STXBP5: variants seen among roughly 807,000 people sequenced by gnomAD.
STXBP5 encodes the protein syntaxin binding protein 5.
In STXBP5, 50 loss-of-function variants were observed where a neutral mutation model predicts 152.4. The ratio of observed to expected loss-of-function variants is 0.33; its 90% CI spans 0.26 to 0.42. The LOEUF is 0.42. STXBP5 is among the 10% of genes least tolerant of loss of function. The probability of loss-of-function intolerance (pLI) is 1.00; values close to 1 mark genes in which losing one functional copy is unlikely to be tolerated. For synonymous variants in STXBP5, 492 were observed against 494.7 expected (o/e 0.99, Z 0.07); for missense variants, 1,167 against 1,388.6 (o/e 0.84, Z 2.54).
rs772950055 is a variant in STXBP5, at chr6:147,334,233, T to G, written c.2146+11T>G. On this transcript the variant is annotated intron_variant, in intron 19 of 27. Transcript: ENST00000321680. The stretch of plus-strand genomic sequence containing the variant: ...AATCTCCAACCTCTGGTAATTTGGT[T>G]TTTTTTTATTTCATTAATAATTATG... 1.9e-6 allele frequency: 3 copies of G among 1,608,016 alleles called. No homozygotes were observed. Among genetic ancestry groups the G allele is most frequent in the East Asian group, 2.2e-5 (1 of 44,768 alleles).
In STXBP5 at chr6:147,267,154, A is replaced by G; in HGVS notation, c.701A>G (p.Tyr234Cys). 6.2e-7 allele frequency: 1 copy of G among 1,608,954 alleles called. No individual in the cohort carries two copies. Among genetic ancestry groups the G allele is most frequent in the South Asian group, 1.1e-5 (1 of 90,138 alleles). ...AAATCAAAGAAAGCCGACTACAGAT[A>G]CACATATGATGAGGTAATATTATTT... ...DLKSKKADYR[Y>C]TYDEAIHSVA... The change falls in exon 7 of 28, where the codon TAC becomes TGC. Residue 234 changes from tyrosine to cysteine, a missense_variant. This residue lies in a region of STXBP5 where 310 missense variants were observed against 346.1 expected (regional missense o/e 0.90). Coordinates refer to ENST00000321680, the MANE Select transcript of STXBP5 (RefSeq NM_001127715.4).
At chr6:147,317,514 T>C (rs1782703080) in intron 16 of STXBP5, among the ~76,000 whole-genome samples, 1 of 152,048 alleles carries the variant, frequency 6.6e-6, no homozygotes, top group South Asian at 2.1e-4. Context: ...ACTTAGTGGG[T>C]AGAGGCCAGG....
At chr6:147,310,518 TAGG>T (rs1168600859) in intron 10 of STXBP5, among the ~76,000 whole-genome samples, 2 of 134,822 alleles carry the variant, frequency 1.5e-5, no homozygotes, top group African/African-American at 5.4e-5. Context: ...CACACACTCA[TAGG>T]AGAGAAAGTG....
At chr6:147,336,374 T>A (rs1783826141) in intron 19 of STXBP5, among the ~76,000 whole-genome samples, 1 of 152,142 alleles carries the variant, frequency 6.6e-6, no homozygotes, top group Non-Finnish European at 1.5e-5. Context: ...ATGGGTTAAT[T>A]GTCTTACTCT....
intron 25 of STXBP5, among the ~76,000 whole-genome samples, chr6:147,369,442 C>T (rs956231896): frequency 2.0e-5 from 3 of 152,004 alleles, no homozygotes; most frequent in African/African-American, 7.2e-5. Flanking sequence ...CCAAAAGCAA[C>T]ATCCATAAAA....
intron 7 of STXBP5, among the ~76,000 whole-genome samples, chr6:147,269,456 A>G (rs1162091760): frequency 6.6e-6 from 1 of 152,202 alleles, no homozygotes. Context: ...AAATTTTACA[A>G]TGTCTAGCAT....
chr6:147,335,543 T>G (rs954203782), intron 19 of STXBP5, among the ~76,000 whole-genome samples: 4 of 152,194 alleles, frequency 2.6e-5, no homozygotes, highest in Non-Finnish European at 5.9e-5. Context: ...TAGTATTCCT[T>G]TTTATCCTGG....
rs536332196 is a variant in STXBP5, at chr6:147,327,513, T to C, written c.2080+237T>C. On this transcript the variant is annotated intron_variant, in intron 18 of 27. Transcript: ENST00000321680. The stretch of plus-strand genomic sequence containing the variant: ...ACCCAGACTGGTGTGCAGTAGTGCC[T>C]TCACTGCAGCCTTGACCTCTTGGGC... Among the ~76,000 whole-genome samples the C allele has an allele frequency of 1.3e-3, 191 of 152,268 alleles. 1 individual carries two copies. Among genetic ancestry groups the C allele is most frequent in the Non-Finnish European group, 1.7e-3 (118 of 68,010 alleles).
chr6:147,289,032 A>G (rs1310616224), intron 8 of STXBP5, among the ~76,000 whole-genome samples: 2 of 152,162 alleles, frequency 1.3e-5, no homozygotes, highest in Non-Finnish European at 2.9e-5. Context: ...CCCGAAGGTC[A>G]TACTCCACCA....
intron 5 of STXBP5, among the ~76,000 whole-genome samples, chr6:147,261,918 G>A (rs1223821479): frequency 1.3e-5 from 2 of 151,632 alleles, no homozygotes; most frequent in African/African-American, 4.8e-5. Flanking sequence ...AACTAAATGG[G>A]ATGCCTAAAT....
intron 2 of STXBP5, among the ~76,000 whole-genome samples, chr6:147,206,667 A>G (rs996231733): frequency 6.6e-6 from 1 of 152,294 alleles, no homozygotes; most frequent in South Asian, 2.1e-4. Flanking sequence ...TTTTTCTCTC[A>G]TAGTCTACAT....
intron 17 of STXBP5, among the ~76,000 whole-genome samples, chr6:147,326,829 T>C (rs1783283162): frequency 6.6e-6 from 1 of 152,166 alleles, no homozygotes; most frequent in African/African-American, 2.4e-5. Context: ...AAATAGATGT[T>C]GCGTTGTGAG....
In STXBP5 at chr6:147,389,104, T is replaced by G. The variant is rs1786472866; in HGVS notation, c.*4349T>G. On this transcript the variant is annotated 3_prime_UTR_variant, in exon 28 of 28. Transcript: ENST00000321680. ...ATTGAAATTTATGCCCACAGATTTT[T>G]CTTTTCATTTGAAAATGAATGTGAA... 2.0e-5 allele frequency: 3 copies of G among 151,682 alleles called. 1 individual carries two copies. In the South Asian group the frequency reaches 6.2e-4, roughly 31 times the overall value. 9.4% of individuals were successfully genotyped at this position (151,682 alleles called of 1,614,324 possible).
chr6:147,311,616 G>A, intron 11 of STXBP5, 89 bp downstream of exon 11: 1 of 988,872 alleles, frequency 1.0e-6, no homozygotes, highest in South Asian at 1.5e-5. Context: ...TCATTTCTTT[G>A]AAAACTCTAC....
intron 4 of STXBP5, among the ~76,000 whole-genome samples, chr6:147,255,304 C>T (rs1027327285): frequency 7.2e-5 from 11 of 152,004 alleles, no homozygotes; most frequent in African/African-American, 2.7e-4. Flanking sequence ...TGAGGCGTGT[C>T]GGAGGGTGAG....
chr6:147,310,864 G>GTA (rs913959823), intron 10 of STXBP5, among the ~76,000 whole-genome samples: 1 of 151,970 alleles, frequency 6.6e-6, no homozygotes, highest in African/African-American at 2.4e-5. Context: ...CTGAATATAT[G>GTA]TATATATATG....
intron 8 of STXBP5, among the ~76,000 whole-genome samples, chr6:147,288,066 G>A (rs1032420845): frequency 6.6e-6 from 1 of 151,988 alleles, no homozygotes; most frequent in African/African-American, 2.4e-5. Flanking sequence ...AGACCGCCAT[G>A]AATGTGTCTA....
intron 5 of STXBP5, among the ~76,000 whole-genome samples, chr6:147,261,205 CAAATT>C (rs1779623367): frequency 6.6e-6 from 1 of 152,032 alleles, no homozygotes; most frequent in African/African-American, 2.4e-5. Context: ...AATATATTAT[CAAATT>C]AATTTTGTTT....
chr6:147,229,274 T>G (rs953864416), intron 2 of STXBP5, among the ~76,000 whole-genome samples: 2 of 152,082 alleles, frequency 1.3e-5, no homozygotes, highest in Non-Finnish European at 2.9e-5. Flanking sequence ...TTTGCTTGCC[T>G]TAAATTCATT....
Sources: gnomAD v4.1 joint callset for allele counts (sites outside exome capture counted in the v4.1 genomes callset) on GRCh38, gnomAD v4.1.1 for gene constraint, gnomAD v4.1.1 regional missense constraint, MANE v1.5 for transcripts, NCBI Gene and HGNC (gene_info 2026-07-23, HGNC 2026-07-21) for gene names.